The following ABL2 variants were observed in gnomAD, a reference collection of about 807,000 sequenced individuals.
The protein encoded by ABL2 is tyrosine-protein kinase ABL2.
ABL2 carries 49 observed loss-of-function variants against 107.7 expected under a neutral mutation model. The observed-to-expected ratio is 0.45, with a 90% CI of 0.36 to 0.58. The LOEUF (loss-of-function observed/expected upper bound fraction) is 0.58, where lower values mean the gene tolerates loss of function less well. Ranked by LOEUF, ABL2 falls within the 20% of genes least tolerant of loss-of-function variation. The pLI, the probability that ABL2 is intolerant of heterozygous loss-of-function variation, is 0.00. For synonymous variants in ABL2, 549 were observed against 548.6 expected (o/e 1.00, Z -0.01); for missense variants, 1,245 against 1,457.0 (o/e 0.85, Z 2.37).
chr1:179,124,973 T>G (rs1280983135), intron 4 of ABL2, among the ~76,000 whole-genome samples: 3 of 152,188 alleles, frequency 2.0e-5, no homozygotes, highest in Admixed American at 2.0e-4. Flanking sequence ...TTACCTCATA[T>G]CTATTAGGAG....
chr1:179,193,463 G>A (rs1661132147), intron 1 of ABL2, among the ~76,000 whole-genome samples: 1 of 151,880 alleles, frequency 6.6e-6, no homozygotes, highest in Non-Finnish European at 1.5e-5. Flanking sequence ...GAGTGCAATG[G>A]CGCAATCTTG....
chr1:179,229,486 C>A lies in ABL2; in HGVS notation c.-89G>T. 1 of 1,341,334 alleles carries A rather than the reference C, an allele frequency of 7.5e-7. No individual in the cohort carries two copies. The highest frequency in any genetic ancestry group is 9.7e-7 in the Non-Finnish European group (1 of 1,036,102). The allele number at this position is 1,341,334 out of a possible 1,614,324, so 83.1% of individuals were successfully genotyped here. On this transcript the variant is annotated 5_prime_UTR_variant, in exon 1 of 12. Transcript: ENST00000502732. Reference sequence around the variant, plus strand: ...CTCGGGCTCCTGGCGCTGCTCCGGTCTCTCCCTCCCAGCCCAGGCCCTGGC... The same window carrying A: ...CTCGGGCTCCTGGCGCTGCTCCGGTATCTCCCTCCCAGCCCAGGCCCTGGC...
At chr1:179,168,402 A>G (rs1401722521) in intron 1 of ABL2, among the ~76,000 whole-genome samples, 1 of 151,764 alleles carries the variant, frequency 6.6e-6, no homozygotes, top group Non-Finnish European at 1.5e-5. Context: ...TTTCCGTTGT[A>G]TATTTTTTAT....
chr1:179,114,568 G>C (rs2102601231), intron 9 of ABL2, among the ~76,000 whole-genome samples: 1 of 152,140 alleles, frequency 6.6e-6, no homozygotes, highest in African/African-American at 2.4e-5. Flanking sequence ...ATAGTCTTTA[G>C]CAATCATTTT....
At chr1:179,129,739 A>G (rs1368608059) in intron 3 of ABL2, among the ~76,000 whole-genome samples, 2 of 152,126 alleles carry the variant, frequency 1.3e-5, no homozygotes, top group African/African-American at 2.4e-5. Flanking sequence ...AATTTTACGT[A>G]AAATGTTCCT....
At chr1:179,176,026 T>C (rs1376428872) in intron 1 of ABL2, among the ~76,000 whole-genome samples, 1 of 151,934 alleles carries the variant, frequency 6.6e-6, no homozygotes, top group African/African-American at 2.4e-5. Context: ...CGGCTAATTT[T>C]TGTATTTTTA....
At chr1:179,121,994 C>A (rs1189493923) in intron 4 of ABL2, 127 bp from the exon 5 acceptor site, 12 of 909,628 alleles carry the variant, frequency 1.3e-5, no homozygotes, top group Non-Finnish European at 1.9e-5. Flanking sequence ...GGCGCGATCT[C>A]GGCTCACTGC....
intron 1 of ABL2, among the ~76,000 whole-genome samples, chr1:179,185,667 T>C (rs1343436290): frequency 1.3e-5 from 2 of 149,898 alleles, no homozygotes; most frequent in East Asian, 3.9e-4. Context: ...TAAAAGTATG[T>C]AAGTTTGAGT....
intron 1 of ABL2, among the ~76,000 whole-genome samples, chr1:179,157,736 G>A (rs1034454424): frequency 2.1e-5 from 3 of 145,422 alleles, no homozygotes; most frequent in African/African-American, 5.1e-5. Flanking sequence ...ACAGAGTCTC[G>A]CTCTGTTGCC....
At chr1:179,156,547 C>T (rs987655815) in intron 1 of ABL2, among the ~76,000 whole-genome samples, 1 of 152,136 alleles carries the variant, frequency 6.6e-6, no homozygotes, top group Non-Finnish European at 1.5e-5. Flanking sequence ...GTTACAAAAG[C>T]ACTGGAAATT....
intron 1 of ABL2, chr1:179,142,919 ACT>A: frequency 6.2e-7 from 1 of 1,613,470 alleles, no homozygotes; most frequent in South Asian, 1.1e-5. Flanking sequence ...GAAACTATCA[ACT>A]CTGAACCATA....
rs1198480996 is a variant in ABL2 at position 179,099,597 on chromosome 1, G to A, written c.*8121C>T. 8.7e-6 allele frequency: 2 copies of A among 230,126 alleles called. No individual in the cohort carries two copies. The highest frequency in any genetic ancestry group is 1.7e-5 in the Non-Finnish European group (2 of 116,198). The allele number at this position is 230,126 out of a possible 1,614,324, so 14.3% of individuals were successfully genotyped here. On this transcript the variant is annotated 3_prime_UTR_variant, in exon 12 of 12. Transcript: ENST00000502732. ...TGTGTTTTTAGTTAAATCCCACATT[G>A]TCTCACTATGTCCCCTTAGCAATGC...
At chr1:179,156,882 AAAATAAATAAATAAATAAATAAATAAAT>A (rs143172971) in intron 1 of ABL2, among the ~76,000 whole-genome samples, 4 of 142,130 alleles carry the variant, frequency 2.8e-5, no homozygotes, top group Non-Finnish European at 3.0e-5. Context: ...AGTCTGTCTC[AAAATAAATAAATAAATAAATAAATAAAT>A]AAATAAATAA....
At chr1:179,197,926 C>T (rs892756734) in intron 1 of ABL2, among the ~76,000 whole-genome samples, 7 of 150,144 alleles carry the variant, frequency 4.7e-5, no homozygotes, top group African/African-American at 1.7e-4. Context: ...ATAATCCTAG[C>T]ACTTTAGGAG....
intron 1 of ABL2, among the ~76,000 whole-genome samples, chr1:179,167,566 G>A (rs1006651239): frequency 6.6e-6 from 1 of 152,136 alleles, no homozygotes; most frequent in Non-Finnish European, 1.5e-5. Flanking sequence ...TAGAAAAGAG[G>A]ATCTGAAATG....
chr1:179,140,596 A>G (rs1475976146), intron 1 of ABL2, among the ~76,000 whole-genome samples: 1 of 152,246 alleles, frequency 6.6e-6, no homozygotes, highest in Admixed American at 6.5e-5. Context: ...GTCTACATAT[A>G]AGAGGCTCTC....
At chr1:179,209,974 AAG>A (rs1162814995) in intron 1 of ABL2, among the ~76,000 whole-genome samples, 1 of 152,170 alleles carries the variant, frequency 6.6e-6, no homozygotes, top group East Asian at 1.9e-4. Context: ...TCTTGGGCTC[AAG>A]CAATCCTCCC....
At chr1:179,175,981 A>C (rs1344119565) in intron 1 of ABL2, among the ~76,000 whole-genome samples, 3 of 150,998 alleles carry the variant, frequency 2.0e-5, no homozygotes, top group Non-Finnish European at 4.4e-5. Context: ...TCAGCCTCCC[A>C]AGTAGCTGGG....
rs1662178131 is a variant in ABL2, at chr1:179,210,036, A to G, written c.157+19205T>C. ...ACTACAGGCACACAGCTAACTTTTA[A>G]TTTTATTTTTAAAGACAGGGGTCTT... On this transcript the variant is annotated intron_variant, in intron 1 of 11. Coordinates refer to ENST00000502732, the MANE Select transcript of ABL2 (RefSeq NM_007314.4). Among the ~76,000 whole-genome samples, 12 of 151,932 alleles carry G rather than the reference A, an allele frequency of 7.9e-5. 1 individual carries two copies. The highest frequency in any genetic ancestry group is 7.9e-4 in the Admixed American group (12 of 15,240).
Sources: gnomAD v4.1 joint callset for allele counts (sites outside exome capture counted in the v4.1 genomes callset) on GRCh38, gnomAD v4.1.1 for gene constraint, MANE v1.5 for transcripts, NCBI Gene and HGNC (gene_info 2026-07-23, HGNC 2026-07-21) for gene names.